The following ATL2 variants were observed in gnomAD, a reference collection of about 807,000 sequenced individuals.
ATL2 encodes the protein atlastin-2.
Under a neutral mutation model 73.9 loss-of-function variants are expected in ATL2, and 31 were observed. The observed-to-expected ratio is 0.42, with a 90% CI of 0.32 to 0.57. The LOEUF is 0.57. ATL2 is among the 20% of genes least tolerant of loss of function. ATL2 has a pLI of 0.14. For missense variants in ATL2, 738 were observed against 702.6 expected (o/e 1.05, Z -0.57); for synonymous variants, 291 against 237.5 (o/e 1.23, Z -2.07).
chr2:38,351,959 A>C (rs1432646997), intron 1 of ATL2, among the ~76,000 whole-genome samples: 3 of 151,748 alleles, frequency 2.0e-5, no homozygotes, highest in African/African-American at 7.3e-5. Flanking sequence ...TAAAAATACA[A>C]AAATTAGCTG....
At chr2:38,370,448 C>CA (rs55964015) in intron 1 of ATL2, among the ~76,000 whole-genome samples, 3,197 of 55,032 alleles carry the variant, frequency 0.058, 211 homozygotes, top group East Asian at 0.14. Flanking sequence ...GACTCTGTCC[C>CA]AAAAAAAAAA....
intron 2 of ATL2, among the ~76,000 whole-genome samples, chr2:38,334,940 A>ATAT (rs1669264283): frequency 1.5e-5 from 2 of 135,290 alleles, no homozygotes; most frequent in Non-Finnish European, 3.1e-5. Flanking sequence ...TATAATATAT[A>ATAT]ACATTTATAT....
rs1198476770 is a variant in ATL2, at chr2:38,296,026, C to A, written c.1720G>T (p.Val574Leu). ...GTCTTTAATCTGGCATGATGAGACA[C>A]CTGGTCAGTCAGGCCTGCTTTGATA... ...NSIKAGLTDQ[V>L]SHHARLKTD The change falls in exon 13 of 13, where the codon GTG becomes TTG. Residue 574 changes from valine to leucine, a missense_variant. By Grantham distance (32) the Val-to-Leu change is conservative (BLOSUM62 1). Coordinates refer to ENST00000378954, the MANE Select transcript of ATL2 (RefSeq NM_001135673.4). 2 of 1,551,618 alleles carry A rather than the reference C, an allele frequency of 1.3e-6. No individual in the cohort carries two copies. The highest frequency in any genetic ancestry group is 2.0e-5 in the Admixed American group (1 of 51,002).
chr2:38,355,547 C>G (rs1483675972), intron 1 of ATL2, among the ~76,000 whole-genome samples: 1 of 152,130 alleles, frequency 6.6e-6, no homozygotes, highest in African/African-American at 2.4e-5. Flanking sequence ...ACATAAACAT[C>G]AAAGCTGGCT....
At chr2:38,362,241 A>G (rs1433570542) in intron 1 of ATL2, among the ~76,000 whole-genome samples, 1 of 152,256 alleles carries the variant, frequency 6.6e-6, no homozygotes, top group Non-Finnish European at 1.5e-5. Flanking sequence ...ATTAAACTAG[A>G]TGTTTAGGAA....
chr2:38,325,898 TGTTTGTTTAAAAAAAAAAAA>T (rs1462669892), intron 2 of ATL2, among the ~76,000 whole-genome samples: 94 of 139,504 alleles, frequency 6.7e-4, no homozygotes, highest in Middle Eastern at 3.6e-3. Context: ...TTTGTTTGTT[TGTTTGTTTAAAAAAAAAAAA>T]AAAAAAAAAA....
chr2:38,318,832 G>GGAA, intron 3 of ATL2, 53 bp downstream of exon 3: 1 of 1,568,648 alleles, frequency 6.4e-7, no homozygotes, highest in Non-Finnish European at 8.7e-7. Flanking sequence ...TTTTAATACT[G>GGAA]GAAAATAGCC....
At chr2:38,364,808 G>A (rs1671212881) in intron 1 of ATL2, among the ~76,000 whole-genome samples, 2 of 152,166 alleles carry the variant, frequency 1.3e-5, no homozygotes, top group South Asian at 2.1e-4. Context: ...ACTTTGGGAG[G>A]CTGAGGCGGG....
At chr2:38,326,868 G>C (rs1668692092) in intron 2 of ATL2, among the ~76,000 whole-genome samples, 2 of 151,900 alleles carry the variant, frequency 1.3e-5, no homozygotes, top group South Asian at 4.2e-4. Context: ...CACACCTGTA[G>C]TCCCAGGTAC....
In ATL2 at chr2:38,343,449, A is replaced by G; in HGVS notation, c.182T>C (p.Val61Ala). The change falls in exon 2 of 13, where the codon GTA becomes GCA. Residue 61 changes from valine to alanine, a missense_variant. Physicochemically the swap from Val to Ala is moderately conservative, Grantham distance 64. Transcript: ENST00000378954. Reference protein sequence around the residue: ...SDEVMKKPCPVQIVLAHEDDH... With the variant: ...SDEVMKKPCPAQIVLAHEDDH... Reference sequence around the variant, plus strand: ...ATCTTCATGAGCAAGAACAATCTGTACTGGACATGGTTTCTTCATAACCTC... The same window carrying G: ...ATCTTCATGAGCAAGAACAATCTGTGCTGGACATGGTTTCTTCATAACCTC... 6.2e-7 allele frequency: 1 copy of G among 1,612,562 alleles called. No homozygotes were observed. Among genetic ancestry groups the G allele is most frequent in the Non-Finnish European group, 8.5e-7 (1 of 1,179,024 alleles).
chr2:38,312,165 G>T (rs1667788068), intron 7 of ATL2, among the ~76,000 whole-genome samples: 1 of 152,176 alleles, frequency 6.6e-6, no homozygotes, highest in Admixed American at 6.5e-5. Context: ...TGTGTGAGTA[G>T]ATGGGTAGCC....
At chr2:38,309,220 C>G (rs1667611574) in intron 9 of ATL2, among the ~76,000 whole-genome samples, 159 bp downstream of exon 9, 1 of 152,014 alleles carries the variant, frequency 6.6e-6, no homozygotes, top group Non-Finnish European at 1.5e-5. Context: ...TTTTAAATAT[C>G]CTTAAATACA....
intron 2 of ATL2, among the ~76,000 whole-genome samples, chr2:38,340,600 T>TA (rs898751545): frequency 2.4e-5 from 3 of 125,994 alleles, no homozygotes; most frequent in African/African-American, 1.2e-4. Flanking sequence ...ACTGAAAACT[T>TA]AAACTGTCAG....
intron 11 of ATL2, 104 bp downstream of exon 11, chr2:38,299,152 G>A (rs1667056706): frequency 1.8e-5 from 19 of 1,069,824 alleles, no homozygotes; most frequent in Non-Finnish European, 2.4e-5. Flanking sequence ...TGTACCATAA[G>A]CTGCACAAAT....
intron 1 of ATL2, among the ~76,000 whole-genome samples, chr2:38,349,612 T>C (rs1046146586): frequency 3.3e-5 from 5 of 151,494 alleles, no homozygotes; most frequent in East Asian, 1.9e-4. Context: ...GCATGGCACA[T>C]GTATACATAT....
At chr2:38,314,204 T>C (rs988184950) in intron 6 of ATL2, among the ~76,000 whole-genome samples, 4 of 152,178 alleles carry the variant, frequency 2.6e-5, no homozygotes, top group African/African-American at 9.7e-5. Context: ...AACTTTTCTA[T>C]ATGAAACCAA....
chr2:38,345,220 T>A (rs990457648), intron 1 of ATL2, among the ~76,000 whole-genome samples: 1 of 152,214 alleles, frequency 6.6e-6, no homozygotes, highest in Non-Finnish European at 1.5e-5. Context: ...ACATACGGTA[T>A]CCACTGTTTT....
At chr2:38,365,160 CACACAAAT>C (rs1308145720) in intron 1 of ATL2, among the ~76,000 whole-genome samples, 19 of 145,474 alleles carry the variant, frequency 1.3e-4, no homozygotes, top group African/African-American at 5.1e-4. Flanking sequence ...CACACACACA[CACACAAAT>C]ACACACACAC....
chr2:38,295,294 T>A lies in ATL2; in HGVS notation c.*700A>T, dbSNP rs1338499383. ...CATAGCTGTAGGCAACATTTTTGGA[T>A]GGAATTTCTTCCCCAATAAAATTAA... On this transcript the variant is annotated 3_prime_UTR_variant, in exon 13 of 13. Coordinates refer to ENST00000378954, the MANE Select transcript of ATL2 (RefSeq NM_001135673.4). 3 of 152,350 alleles carry A rather than the reference T, an allele frequency of 2.0e-5. No homozygotes were observed. Among genetic ancestry groups the A allele is most frequent in the Non-Finnish European group, 4.4e-5 (3 of 68,050 alleles). 9.4% of individuals were successfully genotyped at this position (152,350 alleles called of 1,614,324 possible).
Sources: allele counts gnomAD v4.1 joint callset (sites outside exome capture counted in the v4.1 genomes callset), GRCh38; gene constraint gnomAD v4.1.1; transcripts MANE v1.5; gene names NCBI Gene and HGNC (gene_info 2026-07-23, HGNC 2026-07-21).